The following PALM2AKAP2 variants were observed in gnomAD, a reference collection of about 807,000 sequenced individuals.
PALM2AKAP2 encodes PALM2 and AKAP2 fusion, also known as PALM2-AKAP2 fusion protein.
A neutral mutation model predicts 71.5 loss-of-function variants in PALM2AKAP2; 37 were observed. The observed-to-expected ratio is 0.52, with a 90% confidence interval of 0.40 to 0.68. The LOEUF is 0.68. Among genes scored for constraint, PALM2AKAP2 ranks in the 30% least tolerant of loss-of-function variants. The pLI is 0.00. For synonymous variants in PALM2AKAP2, 468 were observed against 478.8 expected, an observed-to-expected ratio of 0.98 and a Z score of 0.29; for missense variants, 1,224 against 1,191.8, an observed-to-expected ratio of 1.03 and a Z score of -0.40.
At chr9:109,885,712 T>C (rs1321035062) in intron 3 of PALM2AKAP2, among the ~76,000 whole-genome samples, 1 of 152,220 alleles carries the variant, frequency 6.6e-6, no homozygotes, top group Non-Finnish European at 1.5e-5. Flanking sequence ...TGGGGATTCC[T>C]GTAGGTGAGA....
intron 6 of PALM2AKAP2, among the ~76,000 whole-genome samples, chr9:110,007,039 AG>A (rs761468329): frequency 3.3e-5 from 5 of 151,902 alleles, no homozygotes; most frequent in Admixed American, 6.6e-5. Context: ...AGCTTTGGTG[AG>A]GGGTAGGGGG....
At chr9:109,752,323 C>G (rs1488607107) in intron 1 of PALM2AKAP2, among the ~76,000 whole-genome samples, 1 of 152,130 alleles carries the variant, frequency 6.6e-6, no homozygotes, top group Non-Finnish European at 1.5e-5. Context: ...GCTTTTCAAA[C>G]TTTCACATGC....
intron 1 of PALM2AKAP2, among the ~76,000 whole-genome samples, chr9:109,720,208 T>G (rs939906650): frequency 1.3e-5 from 2 of 152,094 alleles, no homozygotes; most frequent in African/African-American, 4.8e-5. Context: ...AGGCTGGTCT[T>G]CAACTCCAGA....
At chr9:109,743,787 G>A (rs1318329533) in intron 1 of PALM2AKAP2, among the ~76,000 whole-genome samples, 1 of 152,190 alleles carries the variant, frequency 6.6e-6, no homozygotes, top group East Asian at 1.9e-4. Context: ...TGCACACTTT[G>A]ATAACAGGAG....
At chr9:109,743,394 A>G (rs75424235) in intron 1 of PALM2AKAP2, among the ~76,000 whole-genome samples, 6,475 of 152,252 alleles carry the variant, frequency 0.043, 188 homozygotes, top group Non-Finnish European at 0.053. Context: ...GCAGAGCTGC[A>G]TTAGAATTTA....
intron 2 of PALM2AKAP2, 58 bp from the exon 9 acceptor site, chr9:110,156,261 C>T: frequency 2.0e-6 from 3 of 1,472,300 alleles, no homozygotes; most frequent in Middle Eastern, 1.9e-4. Flanking sequence ...AGTTTTCTTT[C>T]TAAAAGCAGT....
chr9:109,757,256 A>G (rs1828978025), intron 1 of PALM2AKAP2, among the ~76,000 whole-genome samples: 5 of 152,236 alleles, frequency 3.3e-5, no homozygotes, highest in Middle Eastern at 6.8e-3. Flanking sequence ...ACTTAACATA[A>G]TAACCTCCAG....
chr9:109,736,135 C>A (rs1020932046), intron 1 of PALM2AKAP2, among the ~76,000 whole-genome samples: 1 of 152,062 alleles, frequency 6.6e-6, no homozygotes, highest in Non-Finnish European at 1.5e-5. Flanking sequence ...GGCACAACGA[C>A]GGTTAAAATC....
intron 1 of PALM2AKAP2, among the ~76,000 whole-genome samples, chr9:110,058,344 C>T (rs1398949674): frequency 6.6e-6 from 1 of 152,144 alleles, no homozygotes; most frequent in African/African-American, 2.4e-5. Context: ...ACAATAATAT[C>T]AGGGATGCAG....
chr9:109,689,145 T>A (rs1171731539), intron 1 of PALM2AKAP2, among the ~76,000 whole-genome samples: 2 of 152,056 alleles, frequency 1.3e-5, no homozygotes, highest in Non-Finnish European at 2.9e-5. Context: ...TTTAATAACT[T>A]CTGATCTTCA....
intron 1 of PALM2AKAP2, among the ~76,000 whole-genome samples, chr9:109,652,326 A>T (rs1827236664): frequency 6.6e-6 from 1 of 152,044 alleles, no homozygotes; most frequent in African/African-American, 2.4e-5. Flanking sequence ...ACCTTCCCTG[A>T]AGTAATAAAT....
intron 1 of PALM2AKAP2, among the ~76,000 whole-genome samples, chr9:109,690,446 G>A (rs1827866183): frequency 6.6e-6 from 1 of 152,088 alleles, no homozygotes; most frequent in Non-Finnish European, 1.5e-5. Flanking sequence ...CCAAATTTAT[G>A]TCTCTCAATC....
chr9:109,839,899 T>C (rs960750069), intron 1 of PALM2AKAP2, among the ~76,000 whole-genome samples: 1 of 152,212 alleles, frequency 6.6e-6, no homozygotes, highest in Non-Finnish European at 1.5e-5. Flanking sequence ...TCCATGCTCA[T>C]GGATAGGAAA....
At chr9:109,744,554 T>C (rs1828770451) in intron 1 of PALM2AKAP2, among the ~76,000 whole-genome samples, 1 of 152,174 alleles carries the variant, frequency 6.6e-6, no homozygotes, top group Admixed American at 6.6e-5. Flanking sequence ...TATGATTTCA[T>C]AAATGTTTGG....
chr9:109,894,830 G>A (rs1830164143), intron 3 of PALM2AKAP2, among the ~76,000 whole-genome samples: 1 of 152,044 alleles, frequency 6.6e-6, no homozygotes, highest in Non-Finnish European at 1.5e-5. Context: ...TGCCCAGGCT[G>A]GTCTTGAACT....
At chr9:109,919,573 T>A (rs1830776269) in intron 3 of PALM2AKAP2, among the ~76,000 whole-genome samples, 1 of 151,872 alleles carries the variant, frequency 6.6e-6, no homozygotes, top group Non-Finnish European at 1.5e-5. Context: ...GAGGAGAGGG[T>A]GCCTTATGTT....
At chr9:110,140,175 T>G (rs1588132618) in intron 2 of PALM2AKAP2, among the ~76,000 whole-genome samples, 1 of 152,216 alleles carries the variant, frequency 6.6e-6, no homozygotes. Context: ...TCCTGTGATA[T>G]TCAATGGATT....
chr9:109,656,033 C>T (rs927974864), intron 1 of PALM2AKAP2, among the ~76,000 whole-genome samples: 5 of 152,128 alleles, frequency 3.3e-5, no homozygotes, highest in African/African-American at 1.2e-4. Flanking sequence ...GCATCCCAGC[C>T]CTTGTATAAA....
chr9:110,045,103 C>G (rs1833574843), upstream of PALM2AKAP2, among the ~76,000 whole-genome samples: 1 of 151,684 alleles, frequency 6.6e-6, no homozygotes, highest in South Asian at 2.1e-4. Flanking sequence ...AGTGGGCCAG[C>G]AGCATGGGAG....
Sources: gnomAD v4.1 joint callset for allele counts (sites outside exome capture counted in the v4.1 genomes callset) on GRCh38, gnomAD v4.1.1 for gene constraint, MANE v1.5 for transcripts, NCBI Gene and HGNC (gene_info 2026-07-23, HGNC 2026-07-21) for gene names.